The following LCP1 variants were observed in gnomAD, a reference collection of about 807,000 sequenced individuals.
LCP1 encodes the protein plastin-2.
LCP1 carries 23 observed loss-of-function variants against 72.0 expected under a neutral mutation model. The observed-to-expected ratio is 0.32, with a 90% CI of 0.23 to 0.45. The LOEUF (loss-of-function observed/expected upper bound fraction) is 0.45, where lower values mean the gene tolerates loss of function less well. Among genes scored for constraint, LCP1 ranks in the 20% least tolerant of loss-of-function variants. The pLI, the probability that LCP1 is intolerant of heterozygous loss-of-function variation, is 1.00. For synonymous variants in LCP1, 245 were observed against 275.4 expected, an observed-to-expected ratio of 0.89 and a Z score of 1.09; for missense variants, 571 against 748.3, an observed-to-expected ratio of 0.76 and a Z score of 2.76.
In LCP1 at chr13:46,156,696, A is replaced by C. The variant is rs2045803429; in HGVS notation, c.359-126T>G. 8 of 995,100 alleles carry C rather than the reference A, an allele frequency of 8.0e-6. No individual in the cohort carries two copies. The East Asian group carries it at 1.9e-4, about 24-fold the overall frequency. 61.6% of individuals were successfully genotyped at this position (995,100 alleles called of 1,614,324 possible). A position where few individuals can be genotyped will look rare whatever the true frequency, so the allele number is the denominator to read the frequency against. The stretch of plus-strand genomic sequence containing the variant: ...GTGAGTTTATTCAGTCCATTATCTT[A>C]TCATCTCATATTTATTAAGATTTAA... On this transcript the variant is annotated intron_variant, in intron 4 of 15. Coordinates refer to ENST00000323076, the MANE Select transcript of LCP1 (RefSeq NM_002298.5).
intron 6 of LCP1, among the ~76,000 whole-genome samples, chr13:46,154,392 T>A (rs754191030): frequency 6.6e-6 from 1 of 152,234 alleles, no homozygotes; most frequent in Non-Finnish European, 1.5e-5. Context: ...AAGTTATATT[T>A]ATTATACTCG....
chr13:46,130,827 G>A lies in LCP1; in HGVS notation c.1738C>T (p.Leu580Phe). ...TTATTTACGTACTTTGCATTGTTGA[G>A]TTTCTCATCATCATTCAGATTTTCT... ...KTENLNDDEK[L>F]NNAKYAISMA... Residue 580 changes from leucine (L) to phenylalanine (F), a missense_variant, in exon 15 of 16, where the codon CTC becomes TTC. Physicochemically the swap from Leu to Phe is conservative, Grantham distance 22. Coordinates refer to ENST00000323076, the MANE Select transcript of LCP1 (RefSeq NM_002298.5). 6.2e-7 allele frequency: 1 copy of A among 1,612,428 alleles called. No individual in the cohort carries two copies. The highest frequency in any genetic ancestry group is 8.5e-7 in the Non-Finnish European group (1 of 1,179,482).
At chr13:46,136,897 G>A (rs758515180) in intron 13 of LCP1, among the ~76,000 whole-genome samples, 1 of 152,120 alleles carries the variant, frequency 6.6e-6, no homozygotes, top group Non-Finnish European at 1.5e-5. Context: ...GTTGCAGCCC[G>A]GCGTTGTCCA....
At chr13:46,145,930 AAAAAAAAAAAAAAAAAG>A (rs2045727879) in intron 10 of LCP1, among the ~76,000 whole-genome samples, 2 of 148,580 alleles carry the variant, frequency 1.3e-5, no homozygotes, top group Non-Finnish European at 3.0e-5. Flanking sequence ...AAAAAAAAAA[AAAAAAAAAAAAAAAAAG>A]AGGGCAAACG....
At chr13:46,163,013 G>T (rs1456674872) in intron 1 of LCP1, among the ~76,000 whole-genome samples, 1 of 148,030 alleles carries the variant, frequency 6.8e-6, no homozygotes, top group South Asian at 2.1e-4. Context: ...GGAGGGAGGT[G>T]GGGGGCAGCC....
At chr13:46,175,107 T>G (rs1303046987) in intron 1 of LCP1, among the ~76,000 whole-genome samples, 2 of 152,178 alleles carry the variant, frequency 1.3e-5, no homozygotes, top group Non-Finnish European at 2.9e-5. Flanking sequence ...GAACCTCAGC[T>G]TGGTCATCTG....
At chr13:46,142,628 AT>A (rs2045705390) in intron 12 of LCP1, 2 of 599,718 alleles carry the variant, frequency 3.3e-6, no homozygotes, top group Admixed American at 2.7e-5. Context: ...TTCATAAAAA[AT>A]ATTCATAATG....
chr13:46,128,219 T>C (rs187632838), intron 15 of LCP1, among the ~76,000 whole-genome samples: 168 of 152,244 alleles, frequency 1.1e-3, no homozygotes, highest in Non-Finnish European at 1.9e-3. Context: ...CAGAACTGAA[T>C]AAACATGTGT....
intron 4 of LCP1, among the ~76,000 whole-genome samples, 169 bp downstream of exon 4, chr13:46,158,353 A>C (rs1379307866): frequency 6.6e-6 from 1 of 152,180 alleles, no homozygotes; most frequent in African/African-American, 2.4e-5. Flanking sequence ...CAGAGCTAGG[A>C]CTGCTCCTAT....
intron 1 of LCP1, among the ~76,000 whole-genome samples, chr13:46,160,729 A>AC (rs796605504): frequency 1.3e-5 from 2 of 152,318 alleles, no homozygotes; most frequent in African/African-American, 4.8e-5. Flanking sequence ...GCCCCTAGCT[A>AC]ATCCACACCA....
chr13:46,150,861 T>C lies in LCP1; in HGVS notation c.882+75A>G, dbSNP rs375285679. On this transcript the variant is annotated intron_variant, in intron 8 of 15. Coordinates refer to ENST00000323076, the MANE Select transcript of LCP1 (RefSeq NM_002298.5). ...TCTGAAGAGAGGAAGCCCCAAATCT[T>C]TATCTTTTCTTTATTATTGCCCAAA... is the stretch of plus-strand genomic sequence containing the variant. 50 of 1,498,664 alleles carry C rather than the reference T, an allele frequency of 3.3e-5. 2 individuals are homozygous for C. Among genetic ancestry groups the C allele is most frequent in the East Asian group, 3.2e-4 (14 of 44,156 alleles). 92.8% of individuals were successfully genotyped at this position (1,498,664 alleles called of 1,614,324 possible).
At chr13:46,128,395 G>A (rs7323653) in intron 15 of LCP1, among the ~76,000 whole-genome samples, 119,240 of 151,962 alleles carry the variant, frequency 0.78, 47,059 homozygotes, top group South Asian at 0.88. Context: ...TCAGGAGATC[G>A]AGACCATCCT....
At chr13:46,142,900 G>A in intron 12 of LCP1, 1 of 388,436 alleles carries the variant, frequency 2.6e-6, no homozygotes, top group South Asian at 1.9e-5. Flanking sequence ...CAACCCTGTT[G>A]TTTCAAAACA....
intron 1 of LCP1, among the ~76,000 whole-genome samples, chr13:46,174,834 C>CAAAAAAAAAAAAAA (rs398056355): frequency 1.2e-5 from 1 of 82,302 alleles, no homozygotes; most frequent in African/African-American, 4.3e-5. Flanking sequence ...ACTCCATCTT[C>CAAAAAAAAAAAAAA]AAAAAAAAAA....
intron 8 of LCP1, among the ~76,000 whole-genome samples, chr13:46,150,060 G>A (rs377427918): frequency 9.8e-5 from 15 of 152,320 alleles, no homozygotes; most frequent in South Asian, 6.2e-4. Flanking sequence ...CTGAATGCAC[G>A]TCATATAGCA....
chr13:46,135,436 G>A (rs950524891), intron 13 of LCP1, among the ~76,000 whole-genome samples: 7 of 152,092 alleles, frequency 4.6e-5, no homozygotes, highest in African/African-American at 1.4e-4. Context: ...ATAATCCATC[G>A]GGTATCTTCC....
chr13:46,145,908 CAAAAAAAAAAAAAAAAAAAAAAAA>C (rs527364466), intron 10 of LCP1, among the ~76,000 whole-genome samples: 1 of 11,360 alleles, frequency 8.8e-5, no homozygotes, highest in Non-Finnish European at 1.3e-4. Context: ...GACTCCGTCT[CAAAAAAAAAAAAAAAAAAAAAAAA>C]AAAAAAAAAA....
chr13:46,158,657 A>G lies in LCP1; in HGVS notation c.229-6T>C, dbSNP rs113044536. 8.1e-5 allele frequency: 131 copies of G among 1,614,128 alleles called. No homozygotes were observed. In the African/African-American group the frequency reaches 1.6e-3, roughly 20 times the overall value. ...CTTTTTAGGCCATGGAAAATCTGCA[A>G]AAATATAATGTATCTTTAGAAACTC... On this transcript the variant is annotated splice_polypyrimidine_tract_variant and splice_region_variant and intron_variant, in intron 3 of 15. Transcript: ENST00000323076.
In LCP1 at chr13:46,177,022, T is replaced by C. The variant is rs539771169; in HGVS notation, c.-25+5089A>G. Among the ~76,000 whole-genome samples the C allele has an allele frequency of 3.3e-5, 5 of 152,272 alleles. No homozygotes were observed. In the South Asian group the frequency reaches 8.3e-4, roughly 25 times the overall value. ...GGTTTGCTAGTTCCCCAATTTAACATAGCTTTTCCTTCCGCCAGAAAGAAC... is the reference window on the plus strand; with the variant it reads ...GGTTTGCTAGTTCCCCAATTTAACACAGCTTTTCCTTCCGCCAGAAAGAAC... On this transcript the variant is annotated intron_variant, in intron 1 of 15. Coordinates refer to ENST00000323076, the MANE Select transcript of LCP1 (RefSeq NM_002298.5).
Sources: allele counts gnomAD v4.1 joint callset (sites outside exome capture counted in the v4.1 genomes callset), GRCh38; gene constraint gnomAD v4.1.1; transcripts MANE v1.5; gene names NCBI Gene and HGNC (gene_info 2026-07-23, HGNC 2026-07-21).